Variants in USP19 observed in about 807,000 individuals in gnomAD.
The protein encoded by USP19 is ubiquitin specific peptidase 19.
Under a neutral mutation model 144.8 loss-of-function variants are expected in USP19, and 40 were observed. That is an observed-to-expected ratio of 0.28 (90% confidence interval 0.21 to 0.36). The LOEUF is 0.36. Ranked by LOEUF, USP19 falls within the 10% of genes least tolerant of loss-of-function variation. The pLI is 1.00. For synonymous variants in USP19, 701 were observed against 709.3 expected, an observed-to-expected ratio of 0.99 and a Z score of 0.19; for missense variants, 1,518 against 1,822.5, an observed-to-expected ratio of 0.83 and a Z score of 3.04.
At chr3:49,118,263 CT>C in intron 2 of USP19, 143 bp from the exon 3 acceptor site, 15 of 348,686 alleles carry the variant, frequency 4.3e-5, no homozygotes, top group Non-Finnish European at 6.1e-5. Flanking sequence ...GAGACCCTGC[CT>C]TTAAAAAAAA....
chr3:49,119,428 A>G, intron 1 of USP19, 147 bp from the exon 2 acceptor site: 1 of 325,638 alleles, frequency 3.1e-6, no homozygotes, highest in Non-Finnish European at 5.6e-6. Context: ...GGATATTCTG[A>G]AGAGGTAATA....
At position 49,119,113 on chromosome 3, in the gene USP19, C is replaced by A; in HGVS notation, c.33G>T (p.Arg11Ser). 1 of 1,613,784 alleles carries A rather than the reference C, an allele frequency of 6.2e-7. No individual in the cohort carries two copies. The highest frequency in any genetic ancestry group is 1.1e-5 in the South Asian group (1 of 91,002). The change falls in exon 2 of 27, where the codon AGG becomes AGT. Residue 11 changes from arginine (R) to serine (S), a missense_variant. Physicochemically the swap from Arg to Ser is moderately radical, Grantham distance 110. Around this residue, in one of 5 missense-constraint regions of USP19, gnomAD observed 707 missense variants for 728.9 expected, o/e 0.97. Transcript: ENST00000417901. MSGGASATGPRRGPPGLEDTT... is the reference protein window; with the variant it reads MSGGASATGPSRGPPGLEDTT... ...TGTCCTCCAGTCCTGGGGGCCCTCT[C>A]CTTGGGCCTGTGGCACTGGCCCCGC...
chr3:49,119,029 A>G lies in USP19; in HGVS notation c.117T>C (p.Pro39=). The change falls in exon 2 of 27, where the codon CCT becomes CCC. Residue 39 remains proline (P), a synonymous_variant. Coordinates refer to ENST00000417901, the MANE Select transcript of USP19 (RefSeq NM_001199161.2). ...TGGGAATGCCACTCCCACCTTTCCT[A>G]GGATCTCCATCCTTGCTCTCCTGGT... is the stretch of plus-strand genomic sequence containing the variant. The part of the protein sequence containing the change: ...RANQESKDGD[P]RKETGSRYVA... 6.2e-7 allele frequency: 1 copy of G among 1,613,986 alleles called. No individual in the cohort carries two copies. The highest frequency in any genetic ancestry group is 8.5e-7 in the Non-Finnish European group (1 of 1,179,916).
rs1420727795 is a variant in USP19, at chr3:49,117,120, G to A, written c.848C>T (p.Ser283Phe). 6.5e-7 allele frequency: 1 copy of A among 1,542,588 alleles called. No individual in the cohort carries two copies. Among genetic ancestry groups the A allele is most frequent in the Non-Finnish European group, 8.7e-7 (1 of 1,142,970 alleles). Residue 283 changes from serine (S) to phenylalanine (F), a missense_variant, in exon 6 of 27, where the codon TCC becomes TTC. By Grantham distance (155) the Ser-to-Phe change is radical. This residue lies in a region of USP19 where 707 missense variants were observed against 728.9 expected (regional missense o/e 0.97). Transcript: ENST00000417901. The surrounding 1 kb of genome is among the most constrained non-coding windows in gnomAD (Gnocchi z 4.4). ...ACCCCGGGGTCCAGGGTCATCCCTG[G>A]ACCCGTCCCCCTCTGGCCCTCTGCA... ...HLCRGPEGDG[S>F]RDDPGPRGDA...
rs770886956 is a variant in USP19, at chr3:49,114,048, A to G, written c.2449T>C (p.Leu817=). ...TGAACACTCTGAGAGAGGGAGTCCA[A>G]TACTTCGCTCGCAGTGGAGTTCTCC... The part of the protein sequence containing the change: ...SKENSTASEV[L]DSLSQSVHVK... Residue 817 remains leucine, a synonymous_variant, in exon 17 of 27, where the codon TTG becomes CTG. Coordinates refer to ENST00000417901, the MANE Select transcript of USP19 (RefSeq NM_001199161.2). This position sits in a 1 kb window ranked among gnomAD's most constrained non-coding sequence, Gnocchi z 4.5. 1.2e-6 allele frequency: 2 copies of G among 1,614,232 alleles called. No individual in the cohort carries two copies. Among genetic ancestry groups the G allele is most frequent in the African/African-American group, 1.3e-5 (1 of 75,068 alleles).
chr3:49,119,402 C>T (rs1359664922), intron 1 of USP19, 121 bp from the exon 2 acceptor site: 46 of 415,972 alleles, frequency 1.1e-4, no homozygotes, highest in African/African-American at 2.0e-5. Context: ...CTCTTAAGTA[C>T]CCCTGGACAC....
Position 49,110,370 on chromosome 3 carries a change from A to G in USP19, c.3860-8T>C. On this transcript the variant is annotated splice_polypyrimidine_tract_variant and splice_region_variant and intron_variant, in intron 25 of 26. Coordinates refer to ENST00000417901, the MANE Select transcript of USP19 (RefSeq NM_001199161.2). The surrounding 1 kb of genome is among the most constrained non-coding windows in gnomAD (Gnocchi z 6.1). ...CATCAAACAAGCGCCAGCCTACAGCAGGGTGGGAAGAGTGTGAACAAAGTC... is the reference window on the plus strand; with the variant it reads ...CATCAAACAAGCGCCAGCCTACAGCGGGGTGGGAAGAGTGTGAACAAAGTC... 1 of 1,595,260 alleles carries G rather than the reference A, an allele frequency of 6.3e-7. No individual in the cohort carries two copies. The highest frequency in any genetic ancestry group is 8.6e-7 in the Non-Finnish European group (1 of 1,168,476).
rs749975940 is a variant in USP19 at position 49,115,299 on chromosome 3, T to C, written c.1951A>G (p.Ile651Val). The change falls in exon 13 of 27, where the codon ATT becomes GTT. Residue 651 changes from isoleucine to valine, a missense_variant. By Grantham distance (29) the Ile-to-Val change is conservative. This residue lies in a region of USP19 where 158 missense variants were observed against 277.3 expected (regional missense o/e 0.57). Transcript: ENST00000417901. This position sits in a 1 kb window ranked among gnomAD's most constrained non-coding sequence, Gnocchi z 6.6. ...GCCCGAAGCAGCACGGCAAAGCCAA[T>C]GGCCAGACGCCCACCAGTCCCTAGT... Reference protein sequence around the residue: ...NPLGTGGRLAIGFAVLLRALW... With the variant: ...NPLGTGGRLAVGFAVLLRALW... 1.2e-6 allele frequency: 2 copies of C among 1,614,120 alleles called. No homozygotes were observed. Among genetic ancestry groups the C allele is most frequent in the South Asian group, 1.1e-5 (1 of 91,086 alleles).
Position 49,119,014 on chromosome 3 carries a change from A to C in USP19, c.124+8T>G. ...AGGCCACAATTACTCTGGGAATGCC[A>C]CTCCCACCTTTCCTAGGATCTCCAT... On this transcript the variant is annotated splice_region_variant and intron_variant, in intron 2 of 26. Transcript: ENST00000417901. 6.2e-7 allele frequency: 1 copy of C among 1,613,768 alleles called. No individual in the cohort carries two copies. The highest frequency in any genetic ancestry group is 8.5e-7 in the Non-Finnish European group (1 of 1,179,880).
rs756324429 is a variant in USP19 at position 49,115,928 on chromosome 3, T to C, written c.1488A>G (p.Ala496=). 1 of 1,559,800 alleles carries C rather than the reference T, an allele frequency of 6.4e-7. No homozygotes were observed. Among genetic ancestry groups the C allele is most frequent in the Non-Finnish European group, 8.7e-7 (1 of 1,154,460 alleles). ...APAARGAVGG[A]KVAVPTGPTP... The stretch of plus-strand genomic sequence containing the variant: ...TTGGACCTGTCGGCACGGCAACCTT[T>C]GCACCACCCACTGCACCTTAAAAAG... Residue 496 remains alanine (A), a synonymous_variant, in exon 11 of 27, where the codon GCA becomes GCG. Transcript: ENST00000417901. The surrounding 1 kb of genome is among the most constrained non-coding windows in gnomAD (Gnocchi z 6.6).
chr3:49,111,548 T>C lies in USP19; in HGVS notation c.3169A>G (p.Ile1057Val), dbSNP rs769976849. ...CCAGCTGGCAAGGAGCCAACCTCAA[T>C]GGGCCCACTGGCCAGCATCTCAGAA... ...ISSEMLASGP[I>V]EVGSLPAGER... is the part of the protein sequence containing the mutation. The change falls in exon 21 of 27, where the codon ATT becomes GTT. Residue 1057 changes from isoleucine (I) to valine (V), a missense_variant. Around this residue, in one of 5 missense-constraint regions of USP19, gnomAD observed 413 missense variants for 515.8 expected, o/e 0.80. Transcript: ENST00000417901. This position sits in a 1 kb window ranked among gnomAD's most constrained non-coding sequence, Gnocchi z 5.9. The C allele has an allele frequency of 2.5e-6, 4 of 1,612,532 alleles. No individual in the cohort carries two copies. Among genetic ancestry groups the C allele is most frequent in the Non-Finnish European group, 3.4e-6 (4 of 1,180,036 alleles).
At position 49,117,191 on chromosome 3, in the gene USP19, G is replaced by C; in HGVS notation, c.777C>G (p.Gly259=). The C allele has an allele frequency of 6.5e-7, 1 of 1,547,696 alleles. No homozygotes were observed. The highest frequency in any genetic ancestry group is 2.4e-5 in the East Asian group (1 of 40,894). ...QGRGEVGAGA[G]PGAQAGPSAK... ...CGCTGGGCCCTGCCTGGGCCCCGGG[G>C]CCAGCCCCTGCGCCTACCTCACCAC... Residue 259 remains glycine, a synonymous_variant, in exon 6 of 27, where the codon GGC becomes GGG. Transcript: ENST00000417901. The surrounding 1 kb of genome is among the most constrained non-coding windows in gnomAD (Gnocchi z 4.4).
chr3:49,108,803 G>T lies in USP19; in HGVS notation c.4039-275C>A, dbSNP rs2107163609. Reference sequence around the variant, plus strand: ...ACAGCCAGATGGATACACACCCTAGGATACTCTGCCCCTGCAGGGGCCACA... The same window carrying T: ...ACAGCCAGATGGATACACACCCTAGTATACTCTGCCCCTGCAGGGGCCACA... On this transcript the variant is annotated intron_variant, in intron 26 of 26. Coordinates refer to ENST00000417901, the MANE Select transcript of USP19 (RefSeq NM_001199161.2). The surrounding 1 kb of genome is among the most constrained non-coding windows in gnomAD (Gnocchi z 4.8). 2 of 1,439,948 alleles carry T rather than the reference G, an allele frequency of 1.4e-6. No individual in the cohort carries two copies. Among genetic ancestry groups the T allele is most frequent in the Non-Finnish European group, 1.8e-6 (2 of 1,098,172 alleles). The allele number at this position is 1,439,948 out of a possible 1,614,324, so 89.2% of individuals were successfully genotyped here.
At chr3:49,113,417 C>A (rs1310354809) in intron 17 of USP19, among the ~76,000 whole-genome samples, 1 of 151,190 alleles carries the variant, frequency 6.6e-6, no homozygotes, top group Non-Finnish European at 1.5e-5. Context: ...GCTGGGACTA[C>A]AGACATGTGC....
chr3:49,119,786 G>A (rs2044852904), intron 1 of USP19, among the ~76,000 whole-genome samples: 1 of 152,144 alleles, frequency 6.6e-6, no homozygotes, highest in Non-Finnish European at 1.5e-5. Flanking sequence ...AAAGTCCTGG[G>A]GCTAAGGCAC....
Position 49,111,219 on chromosome 3 carries a change from A to G in USP19, c.3328+36T>C. On this transcript the variant is annotated intron_variant, in intron 22 of 26. Coordinates refer to ENST00000417901, the MANE Select transcript of USP19 (RefSeq NM_001199161.2). This position sits in a 1 kb window ranked among gnomAD's most constrained non-coding sequence, Gnocchi z 5.9. ...GCAGCTGTGGAGAACAGCCAGCTCA[A>G]CCCACCCCATGGCTCCCACCCACAG... The G allele has an allele frequency of 6.2e-6, 10 of 1,613,758 alleles. No homozygotes were observed. The highest frequency in any genetic ancestry group is 8.5e-6 in the Non-Finnish European group (10 of 1,179,886).
In USP19 at chr3:49,114,047, A is replaced by G. The variant is rs762270179; in HGVS notation, c.2450T>C (p.Leu817Ser). 5 of 1,614,124 alleles carry G rather than the reference A, an allele frequency of 3.1e-6. No individual in the cohort carries two copies. Among genetic ancestry groups the G allele is most frequent in the South Asian group, 2.2e-5 (2 of 91,094 alleles). Reference sequence around the variant, plus strand: ...ATGAACACTCTGAGAGAGGGAGTCCAATACTTCGCTCGCAGTGGAGTTCTC... The same window carrying G: ...ATGAACACTCTGAGAGAGGGAGTCCGATACTTCGCTCGCAGTGGAGTTCTC... The part of the protein sequence containing the change: ...SKENSTASEV[L>S]DSLSQSVHVK... Residue 817 changes from leucine (L) to serine (S), a missense_variant, in exon 17 of 27, where the codon TTG (leucine) becomes TCG (serine). Physicochemically the swap from Leu to Ser is moderately radical, Grantham distance 145. Transcript: ENST00000417901. The surrounding 1 kb of genome is among the most constrained non-coding windows in gnomAD (Gnocchi z 4.5).
intron 1 of USP19, among the ~76,000 whole-genome samples, chr3:49,120,246 G>A (rs1211209389): frequency 2.6e-5 from 4 of 152,166 alleles, no homozygotes; most frequent in African/African-American, 4.8e-5. Context: ...GTTCCCCTAA[G>A]TGTGTAAAGG....
chr3:49,117,875 G>A lies in USP19; in HGVS notation c.299-45C>T. On this transcript the variant is annotated intron_variant, in intron 3 of 26. Coordinates refer to ENST00000417901, the MANE Select transcript of USP19 (RefSeq NM_001199161.2). This position sits in a 1 kb window ranked among gnomAD's most constrained non-coding sequence, Gnocchi z 4.4. ...AACAGAGACCCAGCCTAATGAAACT[G>A]CTTCAGATGGGAGCCAAATTGCAAG... 1 of 1,613,192 alleles carries A rather than the reference G, an allele frequency of 6.2e-7. No homozygotes were observed.
Sources: allele counts gnomAD v4.1 joint callset (sites outside exome capture counted in the v4.1 genomes callset), GRCh38; gene constraint gnomAD v4.1.1; regional missense constraint gnomAD v4.1.1; non-coding constraint Gnocchi (gnomAD v3.1); transcripts MANE v1.5; gene names NCBI Gene and HGNC (gene_info 2026-07-23, HGNC 2026-07-21).